PRCP: variants seen among roughly 807,000 people sequenced by gnomAD.
PRCP encodes prolylcarboxypeptidase.
Under a neutral mutation model 54.2 loss-of-function variants are expected in PRCP, and 46 were observed. That is an observed-to-expected ratio of 0.85 (90% CI 0.67 to 1.09). PRCP has a LOEUF of 1.09. Among genes scored for constraint, PRCP ranks in the 50% least tolerant of loss-of-function variants. PRCP has a pLI of 0.00. For synonymous variants in PRCP, 240 were observed against 212.2 expected (o/e 1.13, Z -1.14); for missense variants, 613 against 596.8 (o/e 1.03, Z -0.28).
chr11:82,896,691 A>AG (rs1860127266), intron 1 of PRCP, among the ~76,000 whole-genome samples: 1 of 151,160 alleles, frequency 6.6e-6, no homozygotes, highest in Non-Finnish European at 1.5e-5. Flanking sequence ...AAAAAAAAAA[A>AG]AAAAAAAAAA....
chr11:82,871,015 T>A (rs917992457), intron 1 of PRCP, among the ~76,000 whole-genome samples: 2 of 152,128 alleles, frequency 1.3e-5, no homozygotes, highest in African/African-American at 4.8e-5. Context: ...TTGCCAGAAC[T>A]CATATATATG....
chr11:82,882,778 A>T (rs898880142), intron 1 of PRCP, among the ~76,000 whole-genome samples: 6 of 147,708 alleles, frequency 4.1e-5, no homozygotes, highest in Non-Finnish European at 7.4e-5. Context: ...TACAGGCGTG[A>T]GCCACCGCGC....
At chr11:82,831,381 G>T (rs1310958728) in intron 8 of PRCP, 1 of 152,182 alleles carries the variant, frequency 6.6e-6, no homozygotes, top group Admixed American at 6.5e-5. Context: ...GGCACTGATT[G>T]GGCACGGGAC....
Position 82,880,700 on chromosome 11 carries a change from T to C in PRCP, c.168+19535A>G, listed in dbSNP as rs148813892. On this transcript the variant is annotated intron_variant, in intron 1 of 8. Transcript: ENST00000313010. ...TTAGTGTTTAGAAACACAGTCCAAA[T>C]CAGAAAAGCTCAACAAGCCCTGCTA... Among the ~76,000 whole-genome samples, 986 of 152,046 alleles carry C rather than the reference T, an allele frequency of 6.5e-3. 5 individuals carry two copies. The highest frequency in any genetic ancestry group is 0.01 in the Non-Finnish European group (707 of 67,964).
chr11:82,892,736 C>T (rs1014768813), intron 1 of PRCP, among the ~76,000 whole-genome samples: 5 of 152,184 alleles, frequency 3.3e-5, no homozygotes, highest in East Asian at 1.9e-4. Context: ...TTTAAAAATT[C>T]GCCTCACTTC....
intron 8 of PRCP, among the ~76,000 whole-genome samples, chr11:82,834,966 AGGCAAGAGAAT>A (rs1478765547): frequency 6.6e-6 from 1 of 152,218 alleles, no homozygotes; most frequent in Non-Finnish European, 1.5e-5. Context: ...TGGGAAGCTG[AGGCAAGAGAAT>A]GGCTTGAATC....
chr11:82,872,727 G>C (rs1052442224), intron 1 of PRCP, among the ~76,000 whole-genome samples: 3 of 152,158 alleles, frequency 2.0e-5, no homozygotes, highest in Non-Finnish European at 4.4e-5. Flanking sequence ...TTCTGGCCTC[G>C]GGAAGTGAGA....
At chr11:82,862,393 C>T (rs1859226919) in intron 1 of PRCP, among the ~76,000 whole-genome samples, 1 of 152,202 alleles carries the variant, frequency 6.6e-6, no homozygotes, top group Non-Finnish European at 1.5e-5. Context: ...CCTTTAGCAT[C>T]ATGGGGGCTA....
intron 1 of PRCP, among the ~76,000 whole-genome samples, chr11:82,889,911 G>A (rs972217326): frequency 6.6e-6 from 1 of 152,154 alleles, no homozygotes; most frequent in African/African-American, 2.4e-5. Context: ...TGTACCGGAG[G>A]GGGAAACTGC....
chr11:82,882,535 G>C (rs962994872), intron 1 of PRCP, among the ~76,000 whole-genome samples: 1 of 134,474 alleles, frequency 7.4e-6, no homozygotes, highest in African/African-American at 3.1e-5. Flanking sequence ...TCGCTCTGTC[G>C]CCCAGGCTGG....
chr11:82,834,547 C>T (rs952321325), intron 8 of PRCP, among the ~76,000 whole-genome samples: 1 of 152,182 alleles, frequency 6.6e-6, no homozygotes, highest in African/African-American at 2.4e-5. Flanking sequence ...AGGTATCCTG[C>T]TGGATGGAAT....
At chr11:82,866,489 A>G (rs1859338744) in intron 1 of PRCP, among the ~76,000 whole-genome samples, 1 of 152,196 alleles carries the variant, frequency 6.6e-6, no homozygotes, top group Admixed American at 6.5e-5. Context: ...CCTGACTCCT[A>G]TGCTTTTTTT....
At chr11:82,851,219 T>C (rs922259968) in intron 3 of PRCP, among the ~76,000 whole-genome samples, 5 of 152,104 alleles carry the variant, frequency 3.3e-5, no homozygotes, top group Admixed American at 6.6e-5. Flanking sequence ...CTGCAAATTC[T>C]TGACACTCAT....
intron 6 of PRCP, among the ~76,000 whole-genome samples, chr11:82,844,296 T>A (rs555348636): frequency 1.3e-5 from 2 of 151,878 alleles, no homozygotes; most frequent in Admixed American, 6.6e-5. Context: ...AAATACAGAC[T>A]CTAGTAATCC....
chr11:82,870,742 G>A (rs1307064596), intron 1 of PRCP, among the ~76,000 whole-genome samples: 1 of 152,180 alleles, frequency 6.6e-6, no homozygotes, highest in Non-Finnish European at 1.5e-5. Flanking sequence ...ACAATAATCT[G>A]CCGCTTAGCA....
chr11:82,837,595 C>T (rs1004536256), intron 8 of PRCP, among the ~76,000 whole-genome samples: 9 of 152,206 alleles, frequency 5.9e-5, no homozygotes. Flanking sequence ...CTCTGGTTAA[C>T]AGGTATGTAG....
At chr11:82,848,857 G>T (rs765625287) in intron 6 of PRCP, among the ~76,000 whole-genome samples, 192 bp downstream of exon 6, 18 of 152,008 alleles carry the variant, frequency 1.2e-4, no homozygotes, top group Non-Finnish European at 2.5e-4. Flanking sequence ...GGAAACTGAG[G>T]CTCAGAAAAG....
chr11:82,860,586 A>G (rs1859185795), intron 1 of PRCP, among the ~76,000 whole-genome samples: 1 of 152,090 alleles, frequency 6.6e-6, no homozygotes, highest in African/African-American at 2.4e-5. Flanking sequence ...TTTTGTGATA[A>G]GACCACTTAA....
Position 82,823,407 on chromosome 11 carries a change from G to A in PRCP, c.*1499C>T, listed in dbSNP as rs557711446. 5.3e-5 allele frequency: 8 copies of A among 152,190 alleles called. No homozygotes were observed. The East Asian group carries it at 1.4e-3, about 26-fold the overall frequency. 9.4% of individuals were successfully genotyped at this position (152,190 alleles called of 1,614,324 possible). A position where few individuals can be genotyped will look rare whatever the true frequency, so the allele number is the denominator to read the frequency against. On this transcript the variant is annotated 3_prime_UTR_variant, in exon 9 of 9. Transcript: ENST00000313010. The stretch of plus-strand genomic sequence containing the variant: ...AAACAAAATAGTTACCAAATGCTTT[G>A]ATAGACAACTCATTACAATGAGAAC...
Sources: gnomAD v4.1 joint callset for allele counts (sites outside exome capture counted in the v4.1 genomes callset) on GRCh38, gnomAD v4.1.1 for gene constraint, MANE v1.5 for transcripts, NCBI Gene and HGNC (gene_info 2026-07-23, HGNC 2026-07-21) for gene names.